ZNG1A: variants seen among roughly 807,000 people sequenced by gnomAD.
The protein encoded by ZNG1A is Zn regulated GTPase metalloprotein activator 1A.
the ZNG1A span, chr9:177,817 A>G: frequency 2.8e-6 from 4 of 1,423,604 alleles, no homozygotes; most frequent in Non-Finnish European, 2.9e-6. Context: ...CAGCCTCTGA[A>G]TAACTGTGGG....
At chr9:141,081 T>C in the ZNG1A span, among the ~76,000 whole-genome samples, 2 of 137,666 alleles carry the variant, frequency 1.5e-5, no homozygotes, top group Non-Finnish European at 3.1e-5. Flanking sequence ...TACCTGAAAG[T>C]GACAGGGAGA....
the ZNG1A span, chr9:122,110 CTG>C: frequency 1.2e-6 from 2 of 1,606,824 alleles, no homozygotes; most frequent in Non-Finnish European, 1.7e-6. Context: ...GGAGAATTGA[CTG>C]AACATTAATC....
chr9:124,435 A>G, the ZNG1A span, among the ~76,000 whole-genome samples: 1 of 149,446 alleles, frequency 6.7e-6, no homozygotes, highest in Non-Finnish European at 1.5e-5. Context: ...TGGCCTAGCA[A>G]TTTTACTCAC....
chr9:137,511 C>T, the ZNG1A span, among the ~76,000 whole-genome samples: 23 of 152,192 alleles, frequency 1.5e-4, no homozygotes, highest in East Asian at 4.4e-3. Context: ...AATCCAGACA[C>T]GGCGGATGAA....
At chr9:126,637 A>C in the ZNG1A span, among the ~76,000 whole-genome samples, 1 of 151,824 alleles carries the variant, frequency 6.6e-6, no homozygotes, top group Non-Finnish European at 1.5e-5. Context: ...AATTTTATTT[A>C]TCTTTTCAAA....
the ZNG1A span, among the ~76,000 whole-genome samples, chr9:127,000 T>G: frequency 6.6e-6 from 1 of 152,150 alleles, no homozygotes; most frequent in African/African-American, 2.4e-5. Flanking sequence ...AAGGTTCCTT[T>G]TGGAGTTGAT....
chr9:154,781 G>C, the ZNG1A span: 1 of 1,582,820 alleles, frequency 6.3e-7, no homozygotes, highest in African/African-American at 1.4e-5. Context: ...AATGGCATCT[G>C]CCAAAGCAAC....
the ZNG1A span, chr9:156,665 C>T: frequency 3.3e-6 from 3 of 901,802 alleles, no homozygotes; most frequent in African/African-American, 3.4e-5. Context: ...TACATAAATC[C>T]AAAACTAACT....
the ZNG1A span, among the ~76,000 whole-genome samples, chr9:129,764 A>C: frequency 8.4e-6 from 1 of 119,326 alleles, no homozygotes; most frequent in Admixed American, 8.1e-5. Context: ...GACAGTTAAC[A>C]ATACTATATT....
At chr9:130,745 A>G in the ZNG1A span, among the ~76,000 whole-genome samples, 1 of 146,856 alleles carries the variant, frequency 6.8e-6, no homozygotes, top group Non-Finnish European at 1.5e-5. Context: ...AAAGATTTTT[A>G]TAATGATTTT....
the ZNG1A span, among the ~76,000 whole-genome samples, chr9:165,520 T>C: frequency 2.2e-5 from 3 of 136,128 alleles, no homozygotes; most frequent in Non-Finnish European, 4.6e-5. Flanking sequence ...ATGAACAAAA[T>C]TGATCAGTGG....
the ZNG1A span, among the ~76,000 whole-genome samples, chr9:128,185 C>T: frequency 6.6e-6 from 1 of 150,696 alleles, no homozygotes; most frequent in African/African-American, 2.5e-5. Flanking sequence ...CGATGAATTT[C>T]CCAGATGTTC....
chr9:163,434 A>C, the ZNG1A span, among the ~76,000 whole-genome samples: 1 of 152,154 alleles, frequency 6.6e-6, no homozygotes, highest in East Asian at 1.9e-4. Flanking sequence ...TTTTTTAAAG[A>C]AAACCTTAGT....
chr9:173,829 T>G, the ZNG1A span, among the ~76,000 whole-genome samples: 1 of 152,152 alleles, frequency 6.6e-6, no homozygotes. Flanking sequence ...ATATTCCCAA[T>G]GAGTAAAAAC....
chr9:149,879 G>A, the ZNG1A span, among the ~76,000 whole-genome samples: 1 of 144,282 alleles, frequency 6.9e-6, no homozygotes, highest in African/African-American at 2.6e-5. Context: ...AAATCTATGT[G>A]GTTCACTAGT....
chr9:147,087 A>G, the ZNG1A span: 3 of 150,422 alleles, frequency 2.0e-5, no homozygotes, highest in African/African-American at 7.4e-5. Flanking sequence ...CTGCGGCAGG[A>G]GAATCATTTG....
chr9:122,247 T>C, the ZNG1A span: 23 of 1,433,052 alleles, frequency 1.6e-5, no homozygotes, highest in Admixed American at 5.8e-4. Context: ...ATTTGTGAAT[T>C]ACAAGAAGTT....
At chr9:171,811 T>C in the ZNG1A span, 1 of 456,176 alleles carries the variant, frequency 2.2e-6, no homozygotes, top group Non-Finnish European at 4.0e-6. Context: ...GTCCTTATTT[T>C]TAACAACTTC....
At chr9:177,752 G>A in the ZNG1A span, 1,521 of 1,537,018 alleles carry the variant, frequency 9.9e-4, no homozygotes, top group Non-Finnish European at 1.3e-3. Flanking sequence ...GGCCCGAGCG[G>A]CACGTTTGAA....
Sources: allele counts gnomAD v4.1 joint callset (sites outside exome capture counted in the v4.1 genomes callset), GRCh38; gene constraint gnomAD v4.1.1; transcripts MANE v1.5; gene names NCBI Gene and HGNC (gene_info 2026-07-23, HGNC 2026-07-21).